The following FGF14 variants were observed in gnomAD, a reference collection of about 807,000 sequenced individuals.
FGF14 encodes the protein fibroblast growth factor homologous factor 4.
FGF14 carries 5 observed loss-of-function variants against 25.5 expected under a neutral mutation model. The observed-to-expected ratio is 0.20, with a 90% CI of 0.10 to 0.41. FGF14 has a LOEUF of 0.41. Ranked by LOEUF, FGF14 falls within the 10% of genes least tolerant of loss-of-function variation. The pLI, the probability that FGF14 is intolerant of heterozygous loss-of-function variation, is 1.00. For synonymous variants in FGF14, 138 were observed against 118.3 expected (o/e 1.17, Z -1.08); for missense variants, 222 against 320.1 (o/e 0.69, Z 2.34).
At chr13:102,365,569 G>A (rs1397649792) in intron 1 of FGF14, among the ~76,000 whole-genome samples, 2 of 151,920 alleles carry the variant, frequency 1.3e-5, no homozygotes, top group African/African-American at 4.8e-5. Flanking sequence ...AGAAACTTTT[G>A]CGTTATCTTT....
At chr13:101,878,664 A>C (rs531126679) in intron 1 of FGF14, among the ~76,000 whole-genome samples, 1 of 152,260 alleles carries the variant, frequency 6.6e-6, no homozygotes, top group Non-Finnish European at 1.5e-5. Flanking sequence ...AGTAACAAAA[A>C]CAAATGATGA....
intron 1 of FGF14, chr13:102,393,798 A>C (rs1464310063): frequency 6.6e-6 from 1 of 152,232 alleles, no homozygotes; most frequent in Non-Finnish European, 1.5e-5. Flanking sequence ...CTCTTGGAAC[A>C]GTCGCTTCCT....
intron 1 of FGF14, among the ~76,000 whole-genome samples, chr13:102,137,213 A>T (rs899373973): frequency 6.6e-6 from 1 of 152,182 alleles, no homozygotes; most frequent in Non-Finnish European, 1.5e-5. Flanking sequence ...TGCTGAAGCA[A>T]CCTCATTTCA....
intron 3 of FGF14, among the ~76,000 whole-genome samples, chr13:101,809,824 A>C (rs1451261723): frequency 1.3e-5 from 2 of 152,144 alleles, no homozygotes; most frequent in East Asian, 3.9e-4. Flanking sequence ...CAATAAATTA[A>C]TTTTATTCTC....
intron 1 of FGF14, among the ~76,000 whole-genome samples, chr13:102,032,429 G>T (rs1566596903): frequency 1.3e-5 from 2 of 152,128 alleles, no homozygotes; most frequent in African/African-American, 4.8e-5. Flanking sequence ...TGAAAAAAAG[G>T]TGCGAGAACA....
chr13:102,243,653 A>ATTT (rs776765068), intron 1 of FGF14, among the ~76,000 whole-genome samples: 6 of 67,036 alleles, frequency 9.0e-5, no homozygotes, highest in South Asian at 9.8e-4. Flanking sequence ...GACTTTGGGC[A>ATTT]TGTTTTTTTT....
chr13:102,303,440 T>C (rs115477684), intron 1 of FGF14, among the ~76,000 whole-genome samples: 1,946 of 152,328 alleles, frequency 0.013, 37 homozygotes, highest in African/African-American at 0.043. Flanking sequence ...TTCACAGATT[T>C]CAAAACTATA....
intron 1 of FGF14, among the ~76,000 whole-genome samples, chr13:102,267,010 T>C (rs2053020943): frequency 6.6e-6 from 1 of 152,114 alleles, no homozygotes; most frequent in Non-Finnish European, 1.5e-5. Flanking sequence ...ACAAAAGAAG[T>C]CTTTCTTGAA....
At chr13:102,269,210 A>T (rs2053133750) in intron 1 of FGF14, among the ~76,000 whole-genome samples, 2 of 152,246 alleles carry the variant, frequency 1.3e-5, no homozygotes, top group Non-Finnish European at 2.9e-5. Context: ...GACATATGCA[A>T]ATTCAACAGT....
chr13:101,912,004 G>GT (rs5806256), intron 1 of FGF14, among the ~76,000 whole-genome samples: 1,616 of 140,270 alleles, frequency 0.012, 4 homozygotes, highest in Middle Eastern at 0.019. Context: ...CAAAAACAGT[G>GT]TTTTTTTTTT....
chr13:101,797,772 T>TGTGTGTGCGCGCGC (rs1555384575), intron 3 of FGF14, among the ~76,000 whole-genome samples: 16 of 145,556 alleles, frequency 1.1e-4, no homozygotes, highest in African/African-American at 4.0e-4. Context: ...TGTGTGTGTG[T>TGTGTGTGCGCGCGC]GTGTGTGTGT....
intron 3 of FGF14, among the ~76,000 whole-genome samples, chr13:101,846,683 T>C (rs1487852635): frequency 6.6e-6 from 1 of 152,058 alleles, no homozygotes; most frequent in Non-Finnish European, 1.5e-5. Flanking sequence ...GTCTACATAC[T>C]AAGATAGCCA....
intron 1 of FGF14, among the ~76,000 whole-genome samples, chr13:102,288,201 A>T (rs1229508693): frequency 6.6e-6 from 1 of 152,224 alleles, no homozygotes; most frequent in Non-Finnish European, 1.5e-5. Context: ...ATGTTTATGT[A>T]ATATTGCCAA....
At position 102,296,058 on chromosome 13, in the gene FGF14, G is replaced by A. The variant is rs577011186; in HGVS notation, c.208+105413C>T. Among the ~76,000 whole-genome samples, 322 of 152,186 alleles carry A rather than the reference G, an allele frequency of 2.1e-3. 1 individual carries two copies. Among genetic ancestry groups the A allele is most frequent in the African/African-American group, 7.4e-3 (306 of 41,536 alleles). On this transcript the variant is annotated intron_variant, in intron 1 of 4. Transcript: ENST00000376131. ...TTGCATTGTCAGGACCACTGTTTCT[G>A]TTCCTTTTGGAAGGTTAGAAAACCA...
chr13:102,160,404 T>A (rs1353755995), intron 1 of FGF14, among the ~76,000 whole-genome samples: 1 of 152,154 alleles, frequency 6.6e-6, no homozygotes, highest in African/African-American at 2.4e-5. Context: ...TCAAACCACC[T>A]GTGGCAGGAA....
chr13:101,777,961 T>A (rs2039239247), intron 3 of FGF14, among the ~76,000 whole-genome samples: 1 of 152,048 alleles, frequency 6.6e-6, no homozygotes, highest in Non-Finnish European at 1.5e-5. Context: ...CAAGACTCCA[T>A]CTCAAAATAA....
At chr13:101,904,359 C>A (rs562847399) in intron 1 of FGF14, among the ~76,000 whole-genome samples, 1 of 151,466 alleles carries the variant, frequency 6.6e-6, no homozygotes, top group Non-Finnish European at 1.5e-5. Flanking sequence ...TTCTTATATT[C>A]AGGTTTTAAG....
intron 1 of FGF14, among the ~76,000 whole-genome samples, chr13:102,149,778 C>A (rs907935581): frequency 6.6e-6 from 1 of 152,134 alleles, no homozygotes; most frequent in Non-Finnish European, 1.5e-5. Flanking sequence ...GCTCCGGAAG[C>A]CTTGTAAGGG....
chr13:101,797,564 C>T (rs547596464), intron 3 of FGF14, among the ~76,000 whole-genome samples: 24 of 152,072 alleles, frequency 1.6e-4, no homozygotes, highest in African/African-American at 5.3e-4. Context: ...CGACAGAGAG[C>T]GCATCATATT....
Sources: gnomAD v4.1 joint callset for allele counts (sites outside exome capture counted in the v4.1 genomes callset) on GRCh38, gnomAD v4.1.1 for gene constraint, MANE v1.5 for transcripts, NCBI Gene and HGNC (gene_info 2026-07-23, HGNC 2026-07-21) for gene names.